Variants in PTPRE observed in about 807,000 individuals in gnomAD.
The protein encoded by PTPRE is receptor-type tyrosine-protein phosphatase epsilon.
A neutral mutation model predicts 102.0 loss-of-function variants in PTPRE; 51 were observed. The ratio of observed to expected loss-of-function variants is 0.50; its 90% CI spans 0.40 to 0.63. The LOEUF is 0.63. PTPRE is among the 30% of genes least tolerant of loss of function. The pLI is 0.00. For missense variants in PTPRE, 752 were observed against 915.1 expected, an observed-to-expected ratio of 0.82 and a Z score of 2.30; for synonymous variants, 345 against 348.2, an observed-to-expected ratio of 0.99 and a Z score of 0.10.
chr10:127,932,061 A>G (rs770040074), intron 1 of PTPRE, among the ~76,000 whole-genome samples: 1 of 152,214 alleles, frequency 6.6e-6, no homozygotes, highest in Non-Finnish European at 1.5e-5. Context: ...AAGCTTATTT[A>G]TGATGAATAT....
At chr10:128,018,662 C>T (rs1221760938) in intron 2 of PTPRE, among the ~76,000 whole-genome samples, 2 of 152,150 alleles carry the variant, frequency 1.3e-5, no homozygotes, top group African/African-American at 2.4e-5. Flanking sequence ...GACCAGGGAC[C>T]CTCACTCTCC....
intron 1 of PTPRE, among the ~76,000 whole-genome samples, chr10:127,981,746 G>A (rs1291633598): frequency 6.6e-6 from 1 of 151,876 alleles, no homozygotes; most frequent in Non-Finnish European, 1.5e-5. Flanking sequence ...TGAACTGGGA[G>A]GCGAAGTTTG....
intron 2 of PTPRE, among the ~76,000 whole-genome samples, chr10:128,004,346 A>G (rs12781664): frequency 2.0e-3 from 309 of 152,130 alleles, no homozygotes; most frequent in Non-Finnish European, 3.5e-3. Flanking sequence ...GGCAGCCATC[A>G]CCTCTACTTA....
At chr10:127,930,166 G>C (rs768963757) in intron 1 of PTPRE, among the ~76,000 whole-genome samples, 8 of 151,196 alleles carry the variant, frequency 5.3e-5, no homozygotes, top group African/African-American at 9.7e-5. Flanking sequence ...TTGGCGTACA[G>C]CTCCATGAAT....
Position 128,083,644 on chromosome 10 carries a change from C to T in PTPRE, c.*738C>T, listed in dbSNP as rs1156592958. On this transcript the variant is annotated 3_prime_UTR_variant, in exon 21 of 21. Transcript: ENST00000254667. ...ACAAAACCAGCCATCGGAGTTACACCCCAAAGCACCATTTGCTGTCCAGCT... is the reference window on the plus strand; with the variant it reads ...ACAAAACCAGCCATCGGAGTTACACTCCAAAGCACCATTTGCTGTCCAGCT... 1 of 152,196 alleles carries T rather than the reference C, an allele frequency of 6.6e-6. No individual in the cohort carries two copies. The allele number at this position is 152,196 out of a possible 1,614,324, so 9.4% of individuals were successfully genotyped here. A position where few individuals can be genotyped will look rare whatever the true frequency, so the allele number is the denominator to read the frequency against.
rs1305288837 is a variant in PTPRE at position 127,944,543 on chromosome 10, G to A, written c.-31+37234G>A. 6.6e-6 allele frequency among the ~76,000 whole-genome samples: 1 copy of A among 152,168 alleles called. No homozygotes were observed. The highest frequency in any genetic ancestry group is 1.9e-4 in the East Asian group (1 of 5,196). Reference sequence around the variant, plus strand: ...GGATGGATGGATAAATGGATGGATGGATAAGTGGATGGATGGATGGGTGGA... The same window carrying A: ...GGATGGATGGATAAATGGATGGATGAATAAGTGGATGGATGGATGGGTGGA... On this transcript the variant is annotated intron_variant, in intron 1 of 20. Transcript: ENST00000254667. This position sits in a 1 kb window ranked among gnomAD's most constrained non-coding sequence, Gnocchi z 4.2.
intron 1 of PTPRE, among the ~76,000 whole-genome samples, chr10:127,969,836 T>G (rs1281854068): frequency 6.6e-6 from 1 of 152,166 alleles, no homozygotes; most frequent in Non-Finnish European, 1.5e-5. Context: ...TGCTGGCACG[T>G]GCCTCCGGCA....
At chr10:128,004,149 A>G (rs1324677101) in intron 2 of PTPRE, among the ~76,000 whole-genome samples, 3 of 151,614 alleles carry the variant, frequency 2.0e-5, no homozygotes, top group Non-Finnish European at 2.9e-5. Flanking sequence ...GTTAGGTGTT[A>G]ATAACGATGA....
intron 1 of PTPRE, among the ~76,000 whole-genome samples, chr10:127,916,564 C>T (rs1846223367): frequency 6.6e-6 from 1 of 152,200 alleles, no homozygotes; most frequent in Non-Finnish European, 1.5e-5. Context: ...TTTACTGGGC[C>T]ATTTCCTAGG....
chr10:127,965,621 A>C (rs1850188955), intron 1 of PTPRE, among the ~76,000 whole-genome samples: 1 of 152,238 alleles, frequency 6.6e-6, no homozygotes, highest in African/African-American at 2.4e-5. Flanking sequence ...TTGCTCTTTT[A>C]CTTTATGTTG....
intron 1 of PTPRE, among the ~76,000 whole-genome samples, chr10:127,955,617 G>A (rs1313342310): frequency 6.6e-6 from 1 of 152,170 alleles, no homozygotes; most frequent in Non-Finnish European, 1.5e-5. Context: ...TTGTATCATA[G>A]TATTTAAGTC....
At chr10:127,957,071 A>G (rs1564826566) in intron 1 of PTPRE, among the ~76,000 whole-genome samples, 1 of 152,008 alleles carries the variant, frequency 6.6e-6, no homozygotes, top group Non-Finnish European at 1.5e-5. Flanking sequence ...GGAAGTTTTT[A>G]ATCATTATGA....
At chr10:128,011,866 C>A (rs1395563015) in intron 2 of PTPRE, among the ~76,000 whole-genome samples, 1 of 152,224 alleles carries the variant, frequency 6.6e-6, no homozygotes, top group African/African-American at 2.4e-5. Context: ...CTGTCCCCCT[C>A]CCACCAGCTC....
In PTPRE at chr10:128,016,481, A is replaced by ATT. The variant is rs57308839; in HGVS notation, c.-7-24379_-7-24378dup. Among the ~76,000 whole-genome samples the ATT allele has an allele frequency of 4.6e-3, 671 of 145,176 alleles. 1 individual carries two copies. Among genetic ancestry groups the ATT allele is most frequent in the Non-Finnish European group, 6.2e-3 (407 of 66,102 alleles). On this transcript the variant is annotated intron_variant, in intron 2 of 20. Coordinates refer to ENST00000254667, the MANE Select transcript of PTPRE (RefSeq NM_006504.6). ...AGACCAGTGCCACTATGCCTGGCCA[A>ATT]TTTTTTTTTTTTTTTTACTTTTTTA...
chr10:127,924,239 G>C (rs1393112827), intron 1 of PTPRE, among the ~76,000 whole-genome samples: 2 of 152,068 alleles, frequency 1.3e-5, no homozygotes, highest in African/African-American at 4.8e-5. Context: ...TGTTGTTGTT[G>C]TTTTGAAACA....
rs146536948 is a variant in PTPRE, at chr10:128,032,380, C to T, written c.-7-8495C>T. ...ACAGAATCCAGGAAGGTTCTGTAGA[C>T]TGTCCACTTGTGCCTCCAAGCTTCT... On this transcript the variant is annotated intron_variant, in intron 2 of 20. Transcript: ENST00000254667. 9.2e-5 allele frequency among the ~76,000 whole-genome samples: 14 copies of T among 152,326 alleles called. No homozygotes were observed. In the East Asian group the frequency reaches 1.7e-3, roughly 19 times the overall value.
chr10:127,988,304 CTTTTTTTTT>C (rs57166500), intron 2 of PTPRE, among the ~76,000 whole-genome samples: 2 of 123,842 alleles, frequency 1.6e-5, no homozygotes, highest in African/African-American at 6.3e-5. Flanking sequence ...TTTTTCTTTT[CTTTTTTTTT>C]TTTTTTTTTT....
chr10:127,908,191 A>G (rs1845623116), intron 1 of PTPRE, among the ~76,000 whole-genome samples: 1 of 152,206 alleles, frequency 6.6e-6, no homozygotes. Flanking sequence ...CAATCCAGGA[A>G]ACTCAAAGAA....
At chr10:128,001,945 C>T (rs1853952346) in intron 2 of PTPRE, among the ~76,000 whole-genome samples, 1 of 152,204 alleles carries the variant, frequency 6.6e-6, no homozygotes, top group Non-Finnish European at 1.5e-5. Context: ...AACCCCATGA[C>T]CCTTTGGCAG....
Sources: gnomAD v4.1 joint callset for allele counts (sites outside exome capture counted in the v4.1 genomes callset) on GRCh38, gnomAD v4.1.1 for gene constraint, Gnocchi (gnomAD v3.1) non-coding constraint, MANE v1.5 for transcripts, NCBI Gene and HGNC (gene_info 2026-07-23, HGNC 2026-07-21) for gene names.